CAPZA2: variants seen among roughly 807,000 people sequenced by gnomAD.
CAPZA2 encodes capping actin protein of muscle Z-line subunit alpha 2, also known as F-actin-capping protein subunit alpha-2.
In CAPZA2, 13 loss-of-function variants were observed where a neutral mutation model predicts 44.0. The observed-to-expected ratio is 0.30, with a 90% CI of 0.19 to 0.47. The LOEUF (loss-of-function observed/expected upper bound fraction) is 0.47, where lower values mean the gene tolerates loss of function less well. Among genes scored for constraint, CAPZA2 ranks in the 20% least tolerant of loss-of-function variants. CAPZA2 has a pLI of 1.00. For missense variants in CAPZA2, 244 were observed against 338.6 expected, an observed-to-expected ratio of 0.72 and a Z score of 2.19; for synonymous variants, 94 against 108.2, an observed-to-expected ratio of 0.87 and a Z score of 0.81.
At chr7:116,901,882 TG>T (rs1381670456) in intron 4 of CAPZA2, among the ~76,000 whole-genome samples, 1 of 15,682 alleles carries the variant, frequency 6.4e-5, no homozygotes, top group African/African-American at 2.6e-4. Context: ...AACGAAGAAA[TG>T]TGTGTGTGTG....
intron 1 of CAPZA2, among the ~76,000 whole-genome samples, chr7:116,865,997 C>T (rs1796477902): frequency 1.3e-5 from 2 of 152,170 alleles, no homozygotes; most frequent in Admixed American, 1.3e-4. Context: ...TGATAGGAAG[C>T]ATTTTAGAAA....
chr7:116,901,759 T>G (rs1796996615), intron 4 of CAPZA2, among the ~76,000 whole-genome samples: 1 of 152,020 alleles, frequency 6.6e-6, no homozygotes, highest in Admixed American at 6.6e-5. Context: ...ATTAAATTAT[T>G]TTAAAAGTAA....
At chr7:116,876,614 G>A (rs1796625867) in intron 1 of CAPZA2, among the ~76,000 whole-genome samples, 1 of 152,140 alleles carries the variant, frequency 6.6e-6, no homozygotes, top group Non-Finnish European at 1.5e-5. Flanking sequence ...CTTCCTGTGT[G>A]CCTTGATATG....
At chr7:116,876,822 AGAGAG>A (rs1263819505) in intron 1 of CAPZA2, among the ~76,000 whole-genome samples, 1 of 152,220 alleles carries the variant, frequency 6.6e-6, no homozygotes, top group African/African-American at 2.4e-5. Flanking sequence ...GCAGCCCAGG[AGAGAG>A]GAGACAGCAC....
chr7:116,870,495 C>T (rs1468528661), intron 1 of CAPZA2, among the ~76,000 whole-genome samples: 1 of 152,190 alleles, frequency 6.6e-6, no homozygotes, highest in African/African-American at 2.4e-5. Flanking sequence ...GTTTTTCCAT[C>T]TCATCAATGT....
chr7:116,863,987 A>G (rs1796450705), intron 1 of CAPZA2, among the ~76,000 whole-genome samples: 1 of 152,118 alleles, frequency 6.6e-6, no homozygotes, highest in Non-Finnish European at 1.5e-5. Flanking sequence ...TGAAAGTGAT[A>G]ATACAACAAC....
intron 9 of CAPZA2, 76 bp from the exon 10 acceptor site, chr7:116,917,651 C>T (rs1392980605): frequency 9.7e-7 from 1 of 1,028,304 alleles, no homozygotes. Context: ...AAAACTTATT[C>T]TGAAAACATC....
At chr7:116,904,145 A>T (rs1562962490) in intron 4 of CAPZA2, 32 bp from the exon 5 acceptor site, 8 of 1,381,628 alleles carry the variant, frequency 5.8e-6, no homozygotes, top group Admixed American at 3.8e-5. Context: ...CTGTTTTTTT[A>T]TTTTTTTTCT....
In CAPZA2 at chr7:116,864,783, A is replaced by C. The variant is rs965059444; in HGVS notation, c.39+2133A>C. Among the ~76,000 whole-genome samples the C allele has an allele frequency of 2.6e-5, 4 of 152,176 alleles. 1 individual carries two copies. The highest frequency in any genetic ancestry group is 2.6e-4 in the Admixed American group (4 of 15,238). On this transcript the variant is annotated intron_variant, in intron 1 of 9. Transcript: ENST00000361183. Reference sequence around the variant, plus strand: ...GCTGGGCACGGTGGTTTGCACCTGTAATGCCAACTACTCTGGATGCCAAGG... The same window carrying C: ...GCTGGGCACGGTGGTTTGCACCTGTCATGCCAACTACTCTGGATGCCAAGG...
rs1791762595 is a variant in CAPZA2 at position 116,920,958 on chromosome 7, G to C, written c.*3091G>C. On this transcript the variant is annotated 3_prime_UTR_variant, in exon 10 of 10. Transcript: ENST00000361183. ...GACCACATGAAGAGGGGCAGGGTATGATGATGGTCTGTGGAATTTCAGCTG... is the reference window on the plus strand; with the variant it reads ...GACCACATGAAGAGGGGCAGGGTATCATGATGGTCTGTGGAATTTCAGCTG... 1 of 152,374 alleles carries C rather than the reference G, an allele frequency of 6.6e-6. No individual in the cohort carries two copies. Among genetic ancestry groups the C allele is most frequent in the Admixed American group, 6.5e-5 (1 of 15,282 alleles). The allele number at this position is 152,374 out of a possible 1,614,324, so 9.4% of individuals were successfully genotyped here. A position where few individuals can be genotyped will look rare whatever the true frequency, so the allele number is the denominator to read the frequency against.
intron 2 of CAPZA2, among the ~76,000 whole-genome samples, chr7:116,890,523 AAAATATATATAT>A (rs1796819728): frequency 2.6e-5 from 1 of 38,574 alleles, no homozygotes; most frequent in Non-Finnish European, 4.3e-5. Context: ...AAAAAAAAAA[AAAATATATATAT>A]ATATATATAT....
intron 1 of CAPZA2, among the ~76,000 whole-genome samples, chr7:116,882,540 A>AG (rs1048035896): frequency 2.0e-5 from 3 of 152,284 alleles, no homozygotes; most frequent in Admixed American, 2.0e-4. Flanking sequence ...ATTGTTTGAC[A>AG]GTAATACGTT....
At chr7:116,906,893 G>T (rs977320316) in intron 6 of CAPZA2, among the ~76,000 whole-genome samples, 1 of 152,066 alleles carries the variant, frequency 6.6e-6, no homozygotes, top group Non-Finnish European at 1.5e-5. Context: ...TACCATACTG[G>T]TCTTGGACCT....
intron 1 of CAPZA2, among the ~76,000 whole-genome samples, chr7:116,866,388 G>T (rs1029666838): frequency 4.0e-5 from 6 of 151,842 alleles, no homozygotes; most frequent in African/African-American, 1.5e-4. Flanking sequence ...AGCCAGGATG[G>T]TCTCAATCTC....
intron 8 of CAPZA2, 118 bp from the exon 9 acceptor site, chr7:116,915,942 A>G: frequency 1.5e-6 from 1 of 680,022 alleles, no homozygotes; most frequent in Non-Finnish European, 2.3e-6. Context: ...TATTTATTCT[A>G]TGTCATAATT....
At chr7:116,869,803 T>G (rs928704598) in intron 1 of CAPZA2, among the ~76,000 whole-genome samples, 11 of 152,362 alleles carry the variant, frequency 7.2e-5, no homozygotes, top group Non-Finnish European at 1.5e-4. Flanking sequence ...AGCTTCCATC[T>G]AAACTTTCTT....
intron 5 of CAPZA2, among the ~76,000 whole-genome samples, 157 bp from the exon 6 acceptor site, chr7:116,906,106 C>T (rs188354079): frequency 2.0e-5 from 3 of 152,238 alleles, no homozygotes; most frequent in Admixed American, 6.5e-5. Context: ...TATTTGAGAA[C>T]ATGTTTTTCT....
At chr7:116,890,591 TATATATAC>T in intron 2 of CAPZA2, among the ~76,000 whole-genome samples, 1 of 43,632 alleles carries the variant, frequency 2.3e-5, no homozygotes, top group African/African-American at 1.6e-4. Flanking sequence ...TATATATATA[TATATATAC>T]ACACACACAC....
Position 116,916,042 on chromosome 7 carries a change from T to TG in CAPZA2, c.658-17dup. 4 of 1,429,346 alleles carry TG rather than the reference T, an allele frequency of 2.8e-6. No individual in the cohort carries two copies. The highest frequency in any genetic ancestry group is 2.4e-5 in the East Asian group (1 of 41,152). The allele number at this position is 1,429,346 out of a possible 1,614,324, so 88.5% of individuals were successfully genotyped here. On this transcript the variant is annotated splice_polypyrimidine_tract_variant and intron_variant, in intron 8 of 9. Coordinates refer to ENST00000361183, the MANE Select transcript of CAPZA2 (RefSeq NM_006136.3). ...TAGTTTTAAATTACTATTTTTATTT[T>TG]GTTTTTTTTTTTTTCAGAATGAAGT...
Sources: gnomAD v4.1 joint callset for allele counts (sites outside exome capture counted in the v4.1 genomes callset) on GRCh38, gnomAD v4.1.1 for gene constraint, MANE v1.5 for transcripts, NCBI Gene and HGNC (gene_info 2026-07-23, HGNC 2026-07-21) for gene names.